Variants in TBC1D5 observed in about 807,000 individuals in gnomAD.
TBC1D5 encodes TBC1 domain family member 5.
Under a neutral mutation model 100.3 loss-of-function variants are expected in TBC1D5, and 75 were observed. The observed-to-expected ratio is 0.75, with a 90% CI of 0.62 to 0.91. The LOEUF is 0.91. Among genes scored for constraint, TBC1D5 ranks in the 40% least tolerant of loss-of-function variants. The probability of loss-of-function intolerance (pLI) is 0.00; values close to 1 mark genes in which losing one functional copy is unlikely to be tolerated. For missense variants in TBC1D5, 910 were observed against 942.4 expected (o/e 0.97, Z 0.45); for synonymous variants, 323 against 325.6 (o/e 0.99, Z 0.09).
chr3:17,624,765 C>T (rs1281649642), intron 1 of TBC1D5, among the ~76,000 whole-genome samples: 2 of 151,996 alleles, frequency 1.3e-5, no homozygotes, highest in African/African-American at 2.4e-5. Context: ...AACTGAAGAA[C>T]ATGTTACAAA....
intron 3 of TBC1D5, among the ~76,000 whole-genome samples, chr3:17,446,468 A>T (rs891587255): frequency 2.6e-5 from 4 of 152,208 alleles, no homozygotes; most frequent in Non-Finnish European, 5.9e-5. Flanking sequence ...GAGATTAAAA[A>T]AAAAAATAGG....
chr3:17,376,078 T>C (rs2092695794), intron 10 of TBC1D5, among the ~76,000 whole-genome samples: 1 of 152,158 alleles, frequency 6.6e-6, no homozygotes, highest in African/African-American at 2.4e-5. Context: ...AGCAATTTTG[T>C]TTATTTACAG....
At chr3:17,461,506 C>A (rs1576128652) in intron 3 of TBC1D5, among the ~76,000 whole-genome samples, 1 of 152,170 alleles carries the variant, frequency 6.6e-6, no homozygotes, top group Non-Finnish European at 1.5e-5. Flanking sequence ...ATAACCTAAC[C>A]TACAGACTTT....
At chr3:17,585,888 G>A (rs1213011514) in intron 2 of TBC1D5, among the ~76,000 whole-genome samples, 1 of 152,108 alleles carries the variant, frequency 6.6e-6, no homozygotes, top group Non-Finnish European at 1.5e-5. Context: ...GAAAAAAATT[G>A]TGAATGTTAT....
chr3:17,218,036 G>A lies in TBC1D5; in HGVS notation c.1589-3666C>T, dbSNP rs550540580. ...TTTTGAGTTAATTTTTGTATACAGCGTGAAGAAGTAGCTCAAGTTCATTCT... is the reference window on the plus strand; with the variant it reads ...TTTTGAGTTAATTTTTGTATACAGCATGAAGAAGTAGCTCAAGTTCATTCT... On this transcript the variant is annotated intron_variant, in intron 17 of 21. Coordinates refer to ENST00000253692, the Ensembl canonical transcript of TBC1D5. Among the ~76,000 whole-genome samples the A allele has an allele frequency of 6.6e-5, 10 of 152,076 alleles. No homozygotes were observed. In the South Asian group the frequency reaches 8.3e-4, roughly 13 times the overall value.
chr3:17,694,789 C>T (rs11128843), intron 1 of TBC1D5, among the ~76,000 whole-genome samples: 86,840 of 151,896 alleles, frequency 0.57, 25,638 homozygotes, highest in East Asian at 0.99. Flanking sequence ...CCAAGACACA[C>T]AATTGTCAGA....
chr3:17,399,110 C>G (rs573292222), intron 8 of TBC1D5, among the ~76,000 whole-genome samples: 37 of 152,128 alleles, frequency 2.4e-4, no homozygotes, highest in African/African-American at 6.5e-4. Context: ...ATGGAAAGCA[C>G]AAAACCTGTT....
chr3:17,191,724 C>T (rs145393783), intron 18 of TBC1D5, among the ~76,000 whole-genome samples: 117 of 152,166 alleles, frequency 7.7e-4, no homozygotes, highest in African/African-American at 2.6e-3. Context: ...TCAGGCGATT[C>T]TCCTGCCTCA....
At chr3:17,242,075 T>C (rs1431826519) in intron 16 of TBC1D5, among the ~76,000 whole-genome samples, 3 of 152,212 alleles carry the variant, frequency 2.0e-5, no homozygotes, top group Admixed American at 1.3e-4. Flanking sequence ...TAGCTATCTC[T>C]TCCTAGATTT....
chr3:17,303,221 G>A (rs1236928852), intron 14 of TBC1D5, among the ~76,000 whole-genome samples: 1 of 152,162 alleles, frequency 6.6e-6, no homozygotes, highest in Non-Finnish European at 1.5e-5. Flanking sequence ...GTGAGGTGGA[G>A]GACCACCTTG....
chr3:17,635,517 C>A (rs577386055), intron 1 of TBC1D5, among the ~76,000 whole-genome samples: 1 of 152,028 alleles, frequency 6.6e-6, no homozygotes, highest in African/African-American at 2.4e-5. Flanking sequence ...CCCATCTCTA[C>A]TAAAAATACA....
chr3:17,443,277 T>C (rs2094707260), intron 3 of TBC1D5, among the ~76,000 whole-genome samples: 1 of 152,198 alleles, frequency 6.6e-6, no homozygotes, highest in African/African-American at 2.4e-5. Context: ...CAGGTCTCAC[T>C]TGCACTCCGA....
intron 3 of TBC1D5, among the ~76,000 whole-genome samples, chr3:17,489,203 A>G (rs2095608039): frequency 6.6e-6 from 1 of 152,134 alleles, no homozygotes; most frequent in Admixed American, 6.6e-5. Context: ...GCAACTAAGC[A>G]AGTAGTAGTT....
intron 16 of TBC1D5, among the ~76,000 whole-genome samples, chr3:17,244,183 T>C (rs897748678): frequency 1.3e-5 from 2 of 152,188 alleles, no homozygotes; most frequent in African/African-American, 4.8e-5. Context: ...ACTGTACAAG[T>C]AGAGATTGAA....
chr3:17,360,961 C>T (rs2091647156), intron 13 of TBC1D5, among the ~76,000 whole-genome samples: 1 of 151,922 alleles, frequency 6.6e-6, no homozygotes, highest in African/African-American at 2.4e-5. Context: ...AAATTTCAAA[C>T]TGTGGCCAGG....
intron 18 of TBC1D5, among the ~76,000 whole-genome samples, chr3:17,196,148 C>A (rs950099335): frequency 6.6e-6 from 1 of 152,202 alleles, no homozygotes; most frequent in Non-Finnish European, 1.5e-5. Flanking sequence ...TATAAGTAAA[C>A]ACAAGTAGTT....
At chr3:17,552,834 G>GA (rs1389954606) in intron 2 of TBC1D5, among the ~76,000 whole-genome samples, 1 of 152,014 alleles carries the variant, frequency 6.6e-6, no homozygotes, top group Non-Finnish European at 1.5e-5. Flanking sequence ...ATTCCAGTGA[G>GA]AAAAAACAGG....
In TBC1D5 at chr3:17,383,894, T is replaced by A. The variant is rs774538450; in HGVS notation, c.612+19A>T. Reference sequence around the variant, plus strand: ...AAATTTTGAGTCAATGGATGCCACCTGTAAGATATTTTCATTACCTGTTTA... The same window carrying A: ...AAATTTTGAGTCAATGGATGCCACCAGTAAGATATTTTCATTACCTGTTTA... On this transcript the variant is annotated intron_variant, in intron 9 of 21. Transcript: ENST00000253692. 13 of 1,570,026 alleles carry A rather than the reference T, an allele frequency of 8.3e-6. No individual in the cohort carries two copies. Among genetic ancestry groups the A allele is most frequent in the Admixed American group, 1.7e-5 (1 of 58,520 alleles).
intron 2 of TBC1D5, among the ~76,000 whole-genome samples, chr3:17,585,499 C>T (rs542619197): frequency 3.9e-5 from 6 of 152,284 alleles, no homozygotes; most frequent in Non-Finnish European, 7.4e-5. Flanking sequence ...CCAGGAAGGA[C>T]TGTGGTGTTT....
Sources: allele counts gnomAD v4.1 joint callset (sites outside exome capture counted in the v4.1 genomes callset), GRCh38; gene constraint gnomAD v4.1.1; transcripts MANE v1.5; gene names NCBI Gene and HGNC (gene_info 2026-07-23, HGNC 2026-07-21).